The following FHIT variants were observed in gnomAD, a reference collection of about 807,000 sequenced individuals.
FHIT encodes the protein fragile histidine triad diadenosine triphosphatase, also known as bis(5'-adenosyl)-triphosphatase.
FHIT carries 19 observed loss-of-function variants against 17.9 expected under a neutral mutation model. The observed-to-expected ratio is 1.06, with a 90% CI of 0.74 to 1.56. The LOEUF is 1.56. FHIT is among the 40% of genes most tolerant of loss of function. The pLI, the probability that FHIT is intolerant of heterozygous loss-of-function variation, is 0.00. For synonymous variants in FHIT, 81 were observed against 69.7 expected (o/e 1.16, Z -0.81); for missense variants, 248 against 189.2 (o/e 1.31, Z -1.82).
At chr3:60,563,802 T>A (rs1484541594) in intron 4 of FHIT, among the ~76,000 whole-genome samples, 2 of 152,106 alleles carry the variant, frequency 1.3e-5, no homozygotes, top group African/African-American at 4.8e-5. Flanking sequence ...CAGAGATTGG[T>A]CATGAGGTTC....
rs150874902 is a variant in FHIT at position 59,842,542 on chromosome 3, C to T, written c.348+79804G>A. 2.6e-5 allele frequency among the ~76,000 whole-genome samples: 4 copies of T among 152,290 alleles called. No homozygotes were observed. In the East Asian group the frequency reaches 7.7e-4, roughly 29 times the overall value. On this transcript the variant is annotated intron_variant, in intron 8 of 9. Transcript: ENST00000492590. ...ATTTTACACTCCCACCAACAGTGCACATGAGTTCCAATTTCTCCATATCTT... is the reference window on the plus strand; with the variant it reads ...ATTTTACACTCCCACCAACAGTGCATATGAGTTCCAATTTCTCCATATCTT...
At chr3:60,288,696 T>A (rs529544445) in intron 5 of FHIT, among the ~76,000 whole-genome samples, 8 of 151,268 alleles carry the variant, frequency 5.3e-5, no homozygotes, top group Admixed American at 5.3e-4. Context: ...ATCATACTTT[T>A]AAAAAAAAGT....
At chr3:60,098,542 T>C (rs1184808660) in intron 5 of FHIT, among the ~76,000 whole-genome samples, 1 of 152,212 alleles carries the variant, frequency 6.6e-6, no homozygotes, top group Non-Finnish European at 1.5e-5. Flanking sequence ...TCATATCCTT[T>C]GCCCACTTTT....
chr3:61,075,935 G>C (rs1304598224), intron 2 of FHIT, among the ~76,000 whole-genome samples: 1 of 152,140 alleles, frequency 6.6e-6, no homozygotes, highest in East Asian at 1.9e-4. Context: ...AATAACAGCT[G>C]TCCTTTACTG....
intron 5 of FHIT, among the ~76,000 whole-genome samples, chr3:60,251,946 T>C (rs562328183): frequency 6.6e-6 from 1 of 152,290 alleles, no homozygotes; most frequent in South Asian, 2.1e-4. Flanking sequence ...CCAATGCACT[T>C]CCAGAATGGC....
At chr3:60,951,167 A>G (rs9811235) in intron 3 of FHIT, among the ~76,000 whole-genome samples, 4,017 of 152,242 alleles carry the variant, frequency 0.026, 179 homozygotes, top group African/African-American at 0.091. Flanking sequence ...TTTTATCATA[A>G]GAAAAAAATA....
chr3:60,512,779 G>C (rs951086575), intron 5 of FHIT, among the ~76,000 whole-genome samples: 1 of 152,158 alleles, frequency 6.6e-6, no homozygotes, highest in Non-Finnish European at 1.5e-5. Context: ...GATCAAGATA[G>C]TAGGCTGTTG....
chr3:60,182,289 G>T (rs2107444144), intron 5 of FHIT, among the ~76,000 whole-genome samples: 1 of 152,168 alleles, frequency 6.6e-6, no homozygotes, highest in East Asian at 1.9e-4. Context: ...AATCCTACAG[G>T]CCTCCTACCT....
intron 3 of FHIT, among the ~76,000 whole-genome samples, chr3:60,981,295 C>CTTTTTTTT (rs71100934): frequency 4.8e-5 from 6 of 124,500 alleles, no homozygotes; most frequent in Non-Finnish European, 4.9e-5. Flanking sequence ...TTCTTCCTTC[C>CTTTTTTTT]TTTTTTTTTT....
intron 5 of FHIT, among the ~76,000 whole-genome samples, chr3:60,038,693 C>T (rs1417511294): frequency 1.2e-5 from 1 of 85,862 alleles, no homozygotes; most frequent in Non-Finnish European, 2.7e-5. Context: ...AAGTTGCTCG[C>T]TACTGATAAA....
intron 7 of FHIT, among the ~76,000 whole-genome samples, chr3:59,957,806 A>C (rs3772460): frequency 6.6e-6 from 1 of 152,170 alleles, no homozygotes; most frequent in East Asian, 1.9e-4. Flanking sequence ...ACATGTTGGA[A>C]CTTGACTGTT....
intron 5 of FHIT, among the ~76,000 whole-genome samples, chr3:60,348,559 T>G (rs902759099): frequency 6.6e-6 from 1 of 152,216 alleles, no homozygotes; most frequent in Admixed American, 6.5e-5. Context: ...TTTATAATTC[T>G]AAGAAATACA....
At chr3:60,142,378 T>C (rs1700074104) in intron 5 of FHIT, among the ~76,000 whole-genome samples, 1 of 152,236 alleles carries the variant, frequency 6.6e-6, no homozygotes, top group Admixed American at 6.5e-5. Flanking sequence ...TACTATATTA[T>C]TTGTAACCTT....
chr3:60,474,589 C>T (rs759443199), intron 5 of FHIT, among the ~76,000 whole-genome samples: 1 of 151,836 alleles, frequency 6.6e-6, no homozygotes, highest in African/African-American at 2.4e-5. Flanking sequence ...GCTTAGGAGG[C>T]TCATTTTCAC....
intron 3 of FHIT, among the ~76,000 whole-genome samples, chr3:61,000,633 GA>G (rs892446817): frequency 6.6e-6 from 1 of 151,860 alleles, no homozygotes; most frequent in Non-Finnish European, 1.5e-5. Flanking sequence ...CTAAAACCTG[GA>G]AAAAAAAGGA....
rs145910501 is a variant in FHIT, at chr3:60,568,501, A to T, written c.-17-31522T>A. On this transcript the variant is annotated intron_variant, in intron 4 of 9. Coordinates refer to ENST00000492590, the MANE Select transcript of FHIT (RefSeq NM_002012.4). ...AGGGATAGCATTAGGAGATATACCT[A>T]ATGTTAAATCACGAGTTGATGGGTG... Among the ~76,000 whole-genome samples, 552 of 152,192 alleles carry T rather than the reference A, an allele frequency of 3.6e-3. 2 individuals are homozygous for T. The highest frequency in any genetic ancestry group is 6.3e-3 in the Non-Finnish European group (431 of 68,006).
At chr3:59,769,802 A>T (rs2106825728) in intron 8 of FHIT, among the ~76,000 whole-genome samples, 1 of 151,906 alleles carries the variant, frequency 6.6e-6, no homozygotes, top group East Asian at 1.9e-4. Flanking sequence ...CCTCAGATAA[A>T]CCCATTCTGC....
At chr3:60,591,535 T>C (rs1226007872) in intron 4 of FHIT, among the ~76,000 whole-genome samples, 2 of 152,016 alleles carry the variant, frequency 1.3e-5, no homozygotes, top group African/African-American at 4.8e-5. Context: ...GCTATAAAAT[T>C]CCAACACACA....
intron 7 of FHIT, among the ~76,000 whole-genome samples, chr3:59,981,171 T>C (rs918960910): frequency 6.6e-6 from 1 of 152,176 alleles, no homozygotes. Context: ...ACAAAAACCT[T>C]CTTAGAGCAT....
Sources: gnomAD v4.1 joint callset for allele counts (sites outside exome capture counted in the v4.1 genomes callset) on GRCh38, gnomAD v4.1.1 for gene constraint, MANE v1.5 for transcripts, NCBI Gene and HGNC (gene_info 2026-07-23, HGNC 2026-07-21) for gene names.